Variants in HMG20A observed in about 807,000 individuals in gnomAD.
HMG20A encodes the protein high mobility group 20A.
HMG20A carries 17 observed loss-of-function variants against 43.9 expected under a neutral mutation model. The ratio of observed to expected loss-of-function variants is 0.39; its 90% CI spans 0.27 to 0.58. The LOEUF (loss-of-function observed/expected upper bound fraction) is 0.58, where lower values mean the gene tolerates loss of function less well. HMG20A is among the 20% of genes least tolerant of loss of function. The pLI, the probability that HMG20A is intolerant of heterozygous loss-of-function variation, is 0.59. For synonymous variants in HMG20A, 132 were observed against 147.5 expected (o/e 0.89, Z 0.76); for missense variants, 341 against 438.2 (o/e 0.78, Z 1.98).
the HMG20A span, among the ~76,000 whole-genome samples, chr15:77,512,633 G>A: frequency 6.6e-6 from 1 of 151,886 alleles, no homozygotes. Flanking sequence ...AAGGGATAAT[G>A]GAATTAGGAA....
the HMG20A span, among the ~76,000 whole-genome samples, chr15:77,519,924 G>A: frequency 2.0e-5 from 3 of 152,152 alleles, no homozygotes; most frequent in Non-Finnish European, 4.4e-5. Flanking sequence ...CATGGGGCCA[G>A]GCACGGTGGC....
At chr15:77,421,307 TTG>T (rs981636850) in intron 1 of HMG20A, among the ~76,000 whole-genome samples, 1 of 152,160 alleles carries the variant, frequency 6.6e-6, no homozygotes, top group Admixed American at 6.5e-5. Flanking sequence ...AGCTTGGGGA[TTG>T]TGTTTTATGT....
chr15:77,434,003 G>C (rs1043591931), intron 1 of HMG20A, among the ~76,000 whole-genome samples: 4 of 152,216 alleles, frequency 2.6e-5, no homozygotes, highest in Non-Finnish European at 4.4e-5. Flanking sequence ...TAAAGCTACA[G>C]TAATTACAAT....
chr15:77,507,626 C>T, the HMG20A span, among the ~76,000 whole-genome samples: 2 of 152,228 alleles, frequency 1.3e-5, no homozygotes, highest in Non-Finnish European at 2.9e-5. Context: ...TCTCATACTC[C>T]AGGGAGCTGT....
chr15:77,468,309 A>G (rs1324920829), intron 4 of HMG20A, among the ~76,000 whole-genome samples: 2 of 152,222 alleles, frequency 1.3e-5, no homozygotes, highest in Non-Finnish European at 2.9e-5. Flanking sequence ...AAATGTATAA[A>G]CAAAAATGTA....
At chr15:77,519,141 T>C in the HMG20A span, among the ~76,000 whole-genome samples, 190 of 152,184 alleles carry the variant, frequency 1.2e-3, no homozygotes, top group African/African-American at 4.5e-3. Flanking sequence ...CTCAGTGATA[T>C]AGAAAAAAGA....
At chr15:77,506,527 T>C in the HMG20A span, among the ~76,000 whole-genome samples, 3 of 152,352 alleles carry the variant, frequency 2.0e-5, no homozygotes, top group Admixed American at 6.5e-5. Context: ...TCATTACCAC[T>C]GCTCAGCCAC....
At chr15:77,474,000 G>A (rs941397045) in intron 6 of HMG20A, among the ~76,000 whole-genome samples, 3 of 152,154 alleles carry the variant, frequency 2.0e-5, no homozygotes, top group Non-Finnish European at 4.4e-5. Context: ...AACAATTGCA[G>A]TATAAAAGAA....
chr15:77,475,796 G>C (rs1232708303), intron 6 of HMG20A, among the ~76,000 whole-genome samples: 1 of 152,166 alleles, frequency 6.6e-6, no homozygotes. Context: ...GCGAAATATG[G>C]CTAAGATTCC....
chr15:77,488,061 A>G (rs545319639), downstream of HMG20A, among the ~76,000 whole-genome samples: 3 of 152,348 alleles, frequency 2.0e-5, no homozygotes, highest in South Asian at 6.2e-4. Context: ...AGGAGCCACA[A>G]GAAGATAAGA....
At chr15:77,497,085 A>G in the HMG20A span, among the ~76,000 whole-genome samples, 2 of 152,154 alleles carry the variant, frequency 1.3e-5, no homozygotes, top group African/African-American at 2.4e-5. Context: ...TCCATAGCCG[A>G]CCCTCGCAAG....
intron 1 of HMG20A, among the ~76,000 whole-genome samples, chr15:77,426,120 A>G (rs2073424986): frequency 6.6e-6 from 1 of 152,200 alleles, no homozygotes; most frequent in South Asian, 2.1e-4. Context: ...AGTGACTGCT[A>G]GTATGGAGTT....
Position 77,467,187 on chromosome 15 carries a change from T to C in HMG20A, c.330T>C (p.Tyr110=). Residue 110 remains tyrosine (Y), a synonymous_variant, in exon 4 of 10, where the codon TAT becomes TAC. Coordinates refer to ENST00000336216, the MANE Select transcript of HMG20A (RefSeq NM_001304504.2). ...SNAPKSPLTG[Y]VRFMNERREQ... ...CACCCAAATCCCCCCTTACAGGATA[T>C]GTTCGGTTCATGAATGAGCGTCGAG... 1 of 1,614,112 alleles carries C rather than the reference T, an allele frequency of 6.2e-7. No individual in the cohort carries two copies. Among genetic ancestry groups the C allele is most frequent in the Non-Finnish European group, 8.5e-7 (1 of 1,180,008 alleles).
intron 1 of HMG20A, among the ~76,000 whole-genome samples, chr15:77,433,824 C>G (rs976623930): frequency 6.6e-6 from 1 of 152,106 alleles, no homozygotes; most frequent in Admixed American, 6.5e-5. Flanking sequence ...CCAAATTGCT[C>G]TATAGATTAA....
the HMG20A span, among the ~76,000 whole-genome samples, chr15:77,497,682 A>AGAGAGTGTGTGT: frequency 1.7e-5 from 2 of 119,086 alleles, no homozygotes; most frequent in South Asian, 2.8e-4. Flanking sequence ...AGAGAGAGAG[A>AGAGAGTGTGTGT]GTGTGTGTGT....
intron 4 of HMG20A, among the ~76,000 whole-genome samples, chr15:77,469,932 T>G (rs2072791506): frequency 6.6e-6 from 1 of 152,214 alleles, no homozygotes; most frequent in African/African-American, 2.4e-5. Flanking sequence ...TCTCCCAAAA[T>G]GTTGGGATTA....
chr15:77,505,912 C>T, the HMG20A span, among the ~76,000 whole-genome samples: 5 of 152,136 alleles, frequency 3.3e-5, no homozygotes, highest in Admixed American at 2.0e-4. Context: ...TTTCAAAATG[C>T]AACCATTCCA....
chr15:77,494,780 T>C, the HMG20A span, among the ~76,000 whole-genome samples: 1 of 152,156 alleles, frequency 6.6e-6, no homozygotes, highest in African/African-American at 2.4e-5. Context: ...AAAAAAGATA[T>C]AGATTATGGA....
chr15:77,503,731 G>A, the HMG20A span, among the ~76,000 whole-genome samples: 2 of 152,220 alleles, frequency 1.3e-5, no homozygotes, highest in Admixed American at 6.5e-5. Flanking sequence ...ATACACCAGC[G>A]ATTCTCCAAC....
Sources: gnomAD v4.1 joint callset for allele counts (sites outside exome capture counted in the v4.1 genomes callset) on GRCh38, gnomAD v4.1.1 for gene constraint, MANE v1.5 for transcripts, NCBI Gene and HGNC (gene_info 2026-07-23, HGNC 2026-07-21) for gene names.